RBBP8: variants seen among roughly 807,000 people sequenced by gnomAD.
RBBP8 encodes the protein RB binding protein 8, endonuclease, also known as DNA endonuclease RBBP8.
RBBP8 carries 88 observed loss-of-function variants against 108.3 expected under a neutral mutation model. That is an observed-to-expected ratio of 0.81 (90% CI 0.68 to 0.97). The LOEUF (loss-of-function observed/expected upper bound fraction) is 0.97, where lower values mean the gene tolerates loss of function less well. Ranked by LOEUF, RBBP8 falls within the 50% of genes least tolerant of loss-of-function variation. The probability of loss-of-function intolerance (pLI) is 0.00; values close to 1 mark genes in which losing one functional copy is unlikely to be tolerated. For missense variants in RBBP8, 1,023 were observed against 1,049.0 expected, an observed-to-expected ratio of 0.98 and a Z score of 0.34; for synonymous variants, 332 against 348.2, an observed-to-expected ratio of 0.95 and a Z score of 0.52.
At chr18:22,957,125 G>T (rs115688737) in intron 4 of RBBP8, among the ~76,000 whole-genome samples, 1 of 152,126 alleles carries the variant, frequency 6.6e-6, no homozygotes, top group Admixed American at 6.5e-5. Context: ...ACTGAAGCAA[G>T]TGTCCGCTTT....
intron 4 of RBBP8, among the ~76,000 whole-genome samples, chr18:22,961,032 G>T (rs1338790246): frequency 6.6e-6 from 1 of 152,158 alleles, no homozygotes; most frequent in Non-Finnish European, 1.5e-5. Flanking sequence ...AAATTGTAAA[G>T]ATTATTGGTA....
At chr18:22,922,560 T>C (rs1289972935) in intron 3 of RBBP8, among the ~76,000 whole-genome samples, 2 of 152,172 alleles carry the variant, frequency 1.3e-5, no homozygotes, top group Non-Finnish European at 2.9e-5. Flanking sequence ...CCTCCCAGGC[T>C]GAAACAATCC....
At chr18:22,982,671 G>A (rs942329714) in intron 7 of RBBP8, among the ~76,000 whole-genome samples, 1 of 152,006 alleles carries the variant, frequency 6.6e-6, no homozygotes, top group African/African-American at 2.4e-5. Context: ...ATATTCCTAT[G>A]TGTATATATC....
chr18:23,006,400 G>C lies in RBBP8; in HGVS notation c.2325G>C (p.Ala775=). The C allele has an allele frequency of 1.2e-6, 2 of 1,613,652 alleles. No individual in the cohort carries two copies. Among genetic ancestry groups the C allele is most frequent in the African/African-American group, 1.3e-5 (1 of 74,920 alleles). Residue 775 remains alanine (A), a synonymous_variant, in exon 16 of 19, where the codon GCG becomes GCC. Coordinates refer to ENST00000327155, the MANE Select transcript of RBBP8 (RefSeq NM_002894.3). The part of the protein sequence containing the change: ...GDKQDKVKQK[A]FVEPYFKGDE... ...AACAAGACAAAGTCAAGCAGAAAGC[G>C]TTTGTGGAGCCGTATTTTAAAGGTG...
intron 4 of RBBP8, among the ~76,000 whole-genome samples, chr18:22,951,217 G>A (rs962127206): frequency 3.9e-5 from 6 of 152,058 alleles, no homozygotes; most frequent in African/African-American, 1.4e-4. Context: ...AGGGGGCTAG[G>A]GATGATACTT....
Position 23,022,260 on chromosome 18 carries a change from T to C in RBBP8, c.2586T>C (p.Cys862=). The change falls in exon 18 of 19, where the codon TGT becomes TGC. Residue 862 remains cysteine, a synonymous_variant. Transcript: ENST00000327155. The part of the protein sequence containing the change: ...WEVGFPSTQT[C]MERGYIKEDL... Reference sequence around the variant, plus strand: ...TTGGTTTTCCTTCCACTCAGACTTGTATGGAAAGAGGTGAGAGTATAGATT... The same window carrying C: ...TTGGTTTTCCTTCCACTCAGACTTGCATGGAAAGAGGTGAGAGTATAGATT... 6.2e-7 allele frequency: 1 copy of C among 1,610,302 alleles called. No homozygotes were observed. Among genetic ancestry groups the C allele is most frequent in the Non-Finnish European group, 8.5e-7 (1 of 1,176,632 alleles).
At chr18:22,944,679 A>G (rs533968730) in intron 2 of RBBP8, among the ~76,000 whole-genome samples, 1 of 152,338 alleles carries the variant, frequency 6.6e-6, no homozygotes, top group South Asian at 2.1e-4. Context: ...TATAGAGCAT[A>G]GAATCGAAGA....
chr18:22,972,760 C>G (rs1207620528), intron 5 of RBBP8, among the ~76,000 whole-genome samples: 1 of 152,106 alleles, frequency 6.6e-6, no homozygotes, highest in Non-Finnish European at 1.5e-5. Context: ...CTGCTCTTGC[C>G]CAGTATTTCA....
Position 23,001,575 on chromosome 18 carries a change from C to G in RBBP8, c.2144-11C>G. 1 of 1,614,010 alleles carries G rather than the reference C, an allele frequency of 6.2e-7. No homozygotes were observed. Among genetic ancestry groups the G allele is most frequent in the Non-Finnish European group, 8.5e-7 (1 of 1,179,976 alleles). On this transcript the variant is annotated splice_polypyrimidine_tract_variant and intron_variant, in intron 14 of 18. Transcript: ENST00000327155. ...TTGCTTATTGCCCTAAGCCAGTGCT[C>G]TTTTACATAGATGAAGAAAGAAAAA...
At chr18:23,020,132 G>T (rs116315134) in intron 17 of RBBP8, among the ~76,000 whole-genome samples, 2,780 of 147,042 alleles carry the variant, frequency 0.019, 86 homozygotes, top group African/African-American at 0.064. Flanking sequence ...TCTAAAACTT[G>T]TATTTTGGCC....
Position 22,953,133 on chromosome 18 carries a change from G to A in RBBP8, c.248+3420G>A, listed in dbSNP as rs578053459. ...CTCATGCCTCTAACTCTGTGAAGAA[G>A]AGAGGGAAGAGGATACTGTACTTGT... On this transcript the variant is annotated intron_variant, in intron 4 of 18. Coordinates refer to ENST00000327155, the MANE Select transcript of RBBP8 (RefSeq NM_002894.3). Among the ~76,000 whole-genome samples the A allele has an allele frequency of 3.6e-4, 55 of 152,332 alleles. 1 individual carries two copies. Among genetic ancestry groups the A allele is most frequent in the South Asian group, 8.3e-4 (4 of 4,826 alleles).
At chr18:22,962,844 A>G (rs1243137967) in intron 4 of RBBP8, among the ~76,000 whole-genome samples, 1 of 152,072 alleles carries the variant, frequency 6.6e-6, no homozygotes, top group African/African-American at 2.4e-5. Flanking sequence ...CAAGTGATCC[A>G]CGTGCCTCAG....
rs528258071 is a variant in RBBP8, at chr18:22,993,099, C to T, written c.1272C>T (p.Tyr424=). Residue 424 remains tyrosine, a synonymous_variant, in exon 11 of 19, where the codon TAC becomes TAT. Transcript: ENST00000327155. ...ESLGEQNRTE[Y]GKDSNTDKHL... The stretch of plus-strand genomic sequence containing the variant: ...TAGGTGAACAGAATAGGACTGAGTA[C>T]GGTAAAGATTCTAACACTGATAAAC... The T allele has an allele frequency of 6.8e-6, 11 of 1,613,782 alleles. No individual in the cohort carries two copies. Among genetic ancestry groups the T allele is most frequent in the East Asian group, 2.2e-5 (1 of 44,862 alleles).
intron 5 of RBBP8, among the ~76,000 whole-genome samples, chr18:22,972,589 T>G (rs1001805446): frequency 6.6e-6 from 1 of 151,924 alleles, no homozygotes; most frequent in East Asian, 2.0e-4. Flanking sequence ...AATTTTTGTA[T>G]TTTTAGTAGA....
chr18:22,994,095 A>G (rs1210459243), intron 12 of RBBP8, among the ~76,000 whole-genome samples: 1 of 125,926 alleles, frequency 7.9e-6, no homozygotes, highest in Non-Finnish European at 1.5e-5. Flanking sequence ...ATCTCGGCTC[A>G]CTGCAAGCTC....
intron 6 of RBBP8, among the ~76,000 whole-genome samples, chr18:22,978,062 C>A (rs1327371584): frequency 6.6e-6 from 1 of 152,124 alleles, no homozygotes; most frequent in African/African-American, 2.4e-5. Flanking sequence ...TGCCACCTCC[C>A]CTACAATGGC....
chr18:22,980,990 T>TTTTA, intron 6 of RBBP8, among the ~76,000 whole-genome samples: 1 of 129,032 alleles, frequency 7.8e-6, no homozygotes, highest in African/African-American at 3.1e-5. Flanking sequence ...TTTTTTTTTT[T>TTTTA]GAGACGGAGT....
chr18:22,975,318 A>G (rs377371014), intron 6 of RBBP8, 99 bp downstream of exon 6: 1 of 1,481,824 alleles, frequency 6.7e-7, no homozygotes, highest in South Asian at 1.3e-5. Context: ...AAAATTATGA[A>G]GTGTTCTGTA....
At chr18:23,010,218 A>G (rs899919141) in intron 16 of RBBP8, among the ~76,000 whole-genome samples, 2 of 152,206 alleles carry the variant, frequency 1.3e-5, no homozygotes, top group Non-Finnish European at 2.9e-5. Context: ...TGCCTAGTGC[A>G]CACAGTGCTG....
Sources: gnomAD v4.1 joint callset for allele counts (sites outside exome capture counted in the v4.1 genomes callset) on GRCh38, gnomAD v4.1.1 for gene constraint, MANE v1.5 for transcripts, NCBI Gene and HGNC (gene_info 2026-07-23, HGNC 2026-07-21) for gene names.